Variants in ASB2 observed in about 807,000 individuals in gnomAD.
The protein encoded by ASB2 is ankyrin repeat and SOCS box protein 2.
In ASB2, 58 loss-of-function variants were observed where a neutral mutation model predicts 62.4. That is an observed-to-expected ratio of 0.93 (90% CI 0.75 to 1.16). The LOEUF is 1.16. Ranked by LOEUF, ASB2 falls within the 50% of genes most tolerant of loss-of-function variation. The pLI is 0.00. For synonymous variants in ASB2, 386 were observed against 385.3 expected, an observed-to-expected ratio of 1.00 and a Z score of -0.02; for missense variants, 928 against 887.9, an observed-to-expected ratio of 1.05 and a Z score of -0.57.
At chr14:93,948,888 C>A (rs183830020) in intron 6 of ASB2, among the ~76,000 whole-genome samples, 11 of 152,290 alleles carry the variant, frequency 7.2e-5, no homozygotes, top group Non-Finnish European at 1.5e-4. Flanking sequence ...GGCAGTGAGC[C>A]GGGATCACAC....
At chr14:93,953,589 A>G in intron 4 of ASB2, 82 bp from the exon 5 acceptor site, 1 of 1,222,662 alleles carries the variant, frequency 8.2e-7, no homozygotes, top group East Asian at 2.6e-5. Flanking sequence ...TTGCCTCCCA[A>G]TTTCAAGAAC....
chr14:93,975,896 C>T (rs867661146), intron 1 of ASB2, among the ~76,000 whole-genome samples: 7 of 152,248 alleles, frequency 4.6e-5, no homozygotes, highest in Non-Finnish European at 8.8e-5. Context: ...TTTGTTGGAT[C>T]TCACATAAAT....
chr14:93,959,170 C>T (rs1889325376), intron 2 of ASB2, among the ~76,000 whole-genome samples: 2 of 152,194 alleles, frequency 1.3e-5, no homozygotes, highest in South Asian at 2.1e-4. Context: ...CAAAGAGTTC[C>T]CAGCTCTGGC....
intron 7 of ASB2, among the ~76,000 whole-genome samples, chr14:93,946,475 C>T (rs1023707618): frequency 5.3e-5 from 8 of 152,318 alleles, no homozygotes; most frequent in Admixed American, 3.3e-4. Flanking sequence ...GTAGCATTTG[C>T]CTATTTCCCC....
chr14:93,939,211 C>T lies in ASB2; in HGVS notation c.1514G>A (p.Cys505Tyr). ...LMDLGCDGEP[C>Y]FSCLYGNGPH... is the part of the protein sequence containing the mutation. ...GCCGTTGCCGTAGAGGCATGAGAAG[C>T]AGGGCTCGCCGTCGCAGCCCAGGTC... The change falls in exon 8 of 10, where the codon TGC becomes TAC. Residue 505 changes from cysteine to tyrosine, a missense_variant. Transcript: ENST00000555019. 1 of 1,607,086 alleles carries T rather than the reference C, an allele frequency of 6.2e-7. No homozygotes were observed. The highest frequency in any genetic ancestry group is 8.5e-7 in the Non-Finnish European group (1 of 1,175,466).
chr14:93,962,904 A>G (rs1282412274), intron 2 of ASB2, among the ~76,000 whole-genome samples: 1 of 152,246 alleles, frequency 6.6e-6, no homozygotes, highest in Non-Finnish European at 1.5e-5. Flanking sequence ...AGCATGAGCC[A>G]AGATGAACCC....
Position 93,954,337 on chromosome 14 carries a change from C to T in ASB2, c.458G>A (p.Cys153Tyr), listed in dbSNP as rs1284178693. The T allele has an allele frequency of 1.9e-6, 3 of 1,613,564 alleles. No homozygotes were observed. Among genetic ancestry groups the T allele is most frequent in the African/African-American group, 1.3e-5 (1 of 74,954 alleles). Reference sequence around the variant, plus strand: ...CTCACCTCGCTGCAGGACTTTCAGGCAGCCCACCTGGCCATAGTATGCGGC... The same window carrying T: ...CTCACCTCGCTGCAGGACTTTCAGGTAGCCCACCTGGCCATAGTATGCGGC... ...HEAAYYGQVG[C>Y]LKVLQRAYPG... is the part of the protein sequence containing the mutation. Residue 153 changes from cysteine (C) to tyrosine (Y), a missense_variant, in exon 4 of 10, where the codon TGC (cysteine) becomes TAC (tyrosine). Physicochemically the swap from Cys to Tyr is radical, Grantham distance 194. Transcript: ENST00000555019.
chr14:93,949,829 C>T (rs945969501), intron 6 of ASB2, among the ~76,000 whole-genome samples: 1 of 152,184 alleles, frequency 6.6e-6, no homozygotes, highest in Non-Finnish European at 1.5e-5. Flanking sequence ...GCTCCCAGGA[C>T]CCTGCCTGTG....
chr14:93,956,919 G>GAGA, intron 2 of ASB2, 49 bp from the exon 3 acceptor site: 1 of 1,610,210 alleles, frequency 6.2e-7, no homozygotes, highest in Non-Finnish European at 8.5e-7. Flanking sequence ...CTCTGCATAG[G>GAGA]AGAAGCGGGT....
At position 93,939,498 on chromosome 14, in the gene ASB2, G is replaced by A. The variant is rs565286475; in HGVS notation, c.1227C>T (p.Asp409=). Residue 409 remains aspartate, a synonymous_variant, in exon 8 of 10, where the codon GAC becomes GAT. Coordinates refer to ENST00000555019, the MANE Select transcript of ASB2 (RefSeq NM_001202429.2). The part of the protein sequence containing the change: ...LAPERARLYE[D]RRSSALYFAV... ...CGAAGTACAGCGCGGAGCTGCGCCGGTCTTCGTAGAGGCGCGCGCGCTCGG... is the reference window on the plus strand; with the variant it reads ...CGAAGTACAGCGCGGAGCTGCGCCGATCTTCGTAGAGGCGCGCGCGCTCGG... 19 of 1,610,590 alleles carry A rather than the reference G, an allele frequency of 1.2e-5. 1 individual carries two copies. The highest frequency in any genetic ancestry group is 3.3e-4 in the Middle Eastern group (2 of 6,054).
intron 6 of ASB2, among the ~76,000 whole-genome samples, chr14:93,948,649 T>C (rs756253141): frequency 9.3e-5 from 14 of 151,300 alleles, no homozygotes; most frequent in Non-Finnish European, 1.8e-4. Flanking sequence ...AAGAAAATAC[T>C]AGGCCAGGTG....
intron 2 of ASB2, chr14:93,957,165 A>C: frequency 1.5e-6 from 2 of 1,344,288 alleles, no homozygotes; most frequent in East Asian, 3.0e-5. Flanking sequence ...CCAACCACGA[A>C]AGAGGCAGAT....
chr14:93,949,702 C>T (rs1301577609), intron 6 of ASB2, among the ~76,000 whole-genome samples: 1 of 152,044 alleles, frequency 6.6e-6, no homozygotes, highest in Admixed American at 6.5e-5. Context: ...ACTCAGCCCA[C>T]AAAGTGAACA....
intron 5 of ASB2, 36 bp from the exon 6 acceptor site, chr14:93,951,280 C>A (rs752427375): frequency 1.3e-6 from 2 of 1,564,770 alleles, no homozygotes. Context: ...GTCAGCAGGG[C>A]CTGGCAGGAA....
Position 93,954,681 on chromosome 14 carries a change from C to T in ASB2, c.312-198G>A, listed in dbSNP as rs557222131. On this transcript the variant is annotated intron_variant, in intron 3 of 9. Coordinates refer to ENST00000555019, the MANE Select transcript of ASB2 (RefSeq NM_001202429.2). ...CATCTCTGTGGCTTTCCATGGCTGCCGGGAATGTTATACCAAAACCAATTC... is the reference window on the plus strand; with the variant it reads ...CATCTCTGTGGCTTTCCATGGCTGCTGGGAATGTTATACCAAAACCAATTC... 1.2e-4 allele frequency among the ~76,000 whole-genome samples: 18 copies of T among 152,318 alleles called. No individual in the cohort carries two copies. In the South Asian group the frequency reaches 2.9e-3, roughly 25 times the overall value.
intron 3 of ASB2, 65 bp downstream of exon 3, chr14:93,956,701 C>T: frequency 6.2e-7 from 1 of 1,600,316 alleles, no homozygotes; most frequent in South Asian, 1.1e-5. Flanking sequence ...GCTTCCCACC[C>T]TCCCTGCCAT....
chr14:93,940,047 A>C, intron 7 of ASB2: 2 of 222,222 alleles, frequency 9.0e-6, no homozygotes, highest in East Asian at 9.4e-5. Flanking sequence ...CCACTAATTT[A>C]TTTCAGGCTA....
At chr14:93,953,676 C>T (rs1390642607) in intron 4 of ASB2, among the ~76,000 whole-genome samples, 169 bp from the exon 5 acceptor site, 2 of 152,240 alleles carry the variant, frequency 1.3e-5, no homozygotes, top group East Asian at 3.8e-4. Context: ...TTTTAGCTTC[C>T]TGGTCGTACA....
chr14:93,957,210 G>A, intron 2 of ASB2: 1 of 1,280,396 alleles, frequency 7.8e-7, no homozygotes, highest in African/African-American at 1.5e-5. Flanking sequence ...CCAGGAGGAT[G>A]TGAGCCGTGG....
Sources: gnomAD v4.1 joint callset for allele counts (sites outside exome capture counted in the v4.1 genomes callset) on GRCh38, gnomAD v4.1.1 for gene constraint, MANE v1.5 for transcripts, NCBI Gene and HGNC (gene_info 2026-07-23, HGNC 2026-07-21) for gene names.